The following CCDC60 variants were observed in gnomAD, a reference collection of about 807,000 sequenced individuals.
CCDC60 encodes the protein coiled-coil domain-containing protein 60.
A neutral mutation model predicts 63.5 loss-of-function variants in CCDC60; 54 were observed. The ratio of observed to expected loss-of-function variants is 0.85; its 90% CI spans 0.68 to 1.07. The LOEUF is 1.07. Ranked by LOEUF, CCDC60 falls within the 50% of genes least tolerant of loss-of-function variation. CCDC60 has a pLI of 0.00. For missense variants in CCDC60, 651 were observed against 684.3 expected (o/e 0.95, Z 0.54); for synonymous variants, 206 against 238.8 (o/e 0.86, Z 1.27).
chr12:119,498,648 C>T (rs773428181), intron 5 of CCDC60, among the ~76,000 whole-genome samples: 1 of 152,160 alleles, frequency 6.6e-6, no homozygotes, highest in Non-Finnish European at 1.5e-5. Flanking sequence ...ATTTCAAGTT[C>T]CTGCTCTCTG....
rs1416953138 is a variant in CCDC60 at position 119,524,716 on chromosome 12, C to CTTTTTTTTTTTTTTTTTTTT, written c.1229+902_1229+903insTTTTTTTTTTTTTTTTTTTT. ...AGGAAACAGCAGTTTCTTTTCTTTT[C>CTTTTTTTTTTTTTTTTTTTT]TTTTCTTTTTTTTTTTTTTTTTTTG... On this transcript the variant is annotated intron_variant, in intron 11 of 13. Coordinates refer to ENST00000327554, the MANE Select transcript of CCDC60 (RefSeq NM_178499.5). 3.4e-4 allele frequency among the ~76,000 whole-genome samples: 31 copies of CTTTTTTTTTTTTTTTTTTTT among 90,580 alleles called. 3 individuals are homozygous for CTTTTTTTTTTTTTTTTTTTT. The highest frequency in any genetic ancestry group is 1.6e-3 in the African/African-American group (30 of 18,848). 59.4% of individuals were successfully genotyped at this position (90,580 alleles called of 152,430 possible). A position where few individuals can be genotyped will look rare whatever the true frequency, so the allele number is the denominator to read the frequency against.
At chr12:119,354,073 TC>T (rs1955691371) in intron 1 of CCDC60, among the ~76,000 whole-genome samples, 1 of 90,244 alleles carries the variant, frequency 1.1e-5, no homozygotes, top group South Asian at 4.6e-4. Flanking sequence ...TTTCTCTCTC[TC>T]TCTCGTCTCT....
At chr12:119,350,007 G>T (rs750439099) in intron 1 of CCDC60, among the ~76,000 whole-genome samples, 10 of 151,954 alleles carry the variant, frequency 6.6e-5, no homozygotes, top group Admixed American at 1.3e-4. Context: ...AAAACCAAAA[G>T]CATTGACATA....
At chr12:119,373,662 TGGGG>T (rs779588913) in intron 1 of CCDC60, among the ~76,000 whole-genome samples, 10 of 74,094 alleles carry the variant, frequency 1.3e-4, no homozygotes, top group Non-Finnish European at 2.1e-4. Context: ...CTCTCCGGGG[TGGGG>T]TGGGGGGGGG....
chr12:119,413,625 C>G (rs1956645216), intron 1 of CCDC60, among the ~76,000 whole-genome samples: 1 of 152,148 alleles, frequency 6.6e-6, no homozygotes, highest in African/African-American at 2.4e-5. Context: ...CCTCATGGCC[C>G]CTGCATGAAG....
intron 1 of CCDC60, among the ~76,000 whole-genome samples, chr12:119,415,099 C>G (rs1956676231): frequency 6.6e-6 from 1 of 152,168 alleles, no homozygotes; most frequent in Non-Finnish European, 1.5e-5. Context: ...TTAGCCTCAC[C>G]TTTTTTTCCA....
chr12:119,411,894 GC>G (rs1480584645), intron 1 of CCDC60, among the ~76,000 whole-genome samples: 1 of 151,884 alleles, frequency 6.6e-6, no homozygotes, highest in Non-Finnish European at 1.5e-5. Flanking sequence ...AACCCTTCCA[GC>G]CCCCACACGG....
At chr12:119,437,569 TATGA>T (rs1254083827) in intron 2 of CCDC60, among the ~76,000 whole-genome samples, 1 of 152,218 alleles carries the variant, frequency 6.6e-6, no homozygotes, top group African/African-American at 2.4e-5. Flanking sequence ...CAAATCCCTT[TATGA>T]ATGAGGCTGC....
At chr12:119,433,441 ACAAG>A (rs780145679) in intron 2 of CCDC60, 1 of 702,386 alleles carries the variant, frequency 1.4e-6, no homozygotes, top group South Asian at 1.5e-5. Flanking sequence ...CAGAGAAGCC[ACAAG>A]CAAGCAAGAA....
intron 7 of CCDC60, among the ~76,000 whole-genome samples, chr12:119,509,960 T>C (rs558146874): frequency 4.6e-5 from 7 of 152,242 alleles, no homozygotes; most frequent in Admixed American, 1.3e-4. Context: ...AGAGAGCAAA[T>C]TGATTTTTTT....
chr12:119,471,938 C>T, intron 2 of CCDC60, 56 bp from the exon 3 acceptor site: 2 of 1,459,910 alleles, frequency 1.4e-6, no homozygotes, highest in Non-Finnish European at 1.9e-6. Flanking sequence ...TTCCTTCTCT[C>T]TCTCCACCCT....
chr12:119,530,888 T>A lies in CCDC60; in HGVS notation c.1376T>A (p.Leu459Ter). Reference protein sequence around the residue: ...EIADHWYFDLLSKLPEDLKNF... With the variant: ...EIADHWYFDL Reference sequence around the variant, plus strand: ...TGGAATTGAAGGTACTTTGATCTGTTGTCCAAACTGCCAGAGGATCTAAAG... The same window carrying A: ...TGGAATTGAAGGTACTTTGATCTGTAGTCCAAACTGCCAGAGGATCTAAAG... Residue 459 changes from leucine (L) to a stop codon, truncating the protein, a stop_gained, in exon 13 of 14, where the codon TTG becomes TAG. Transcript: ENST00000327554. LOFTEE classifies it high-confidence loss of function. The A allele has an allele frequency of 6.2e-7, 1 of 1,613,828 alleles. No homozygotes were observed. The highest frequency in any genetic ancestry group is 8.5e-7 in the Non-Finnish European group (1 of 1,179,852).
chr12:119,537,863 C>T (rs1002787656), intron 13 of CCDC60, among the ~76,000 whole-genome samples: 2 of 152,224 alleles, frequency 1.3e-5, no homozygotes, highest in African/African-American at 2.4e-5. Flanking sequence ...AGTGAAGCTA[C>T]ATGGGGGTCA....
At chr12:119,540,317 A>C (rs1953122861) in intron 13 of CCDC60, among the ~76,000 whole-genome samples, 1 of 152,224 alleles carries the variant, frequency 6.6e-6, no homozygotes, top group South Asian at 2.1e-4. Flanking sequence ...GATATTAAGG[A>C]GTAGAAAAGA....
At chr12:119,389,972 A>T (rs759618165) in intron 1 of CCDC60, among the ~76,000 whole-genome samples, 6 of 152,210 alleles carry the variant, frequency 3.9e-5, no homozygotes, top group Non-Finnish European at 8.8e-5. Flanking sequence ...GCCACATGAA[A>T]GAAGTAGACT....
intron 2 of CCDC60, among the ~76,000 whole-genome samples, chr12:119,453,414 C>T (rs1441086526): frequency 6.6e-6 from 1 of 152,184 alleles, no homozygotes; most frequent in African/African-American, 2.4e-5. Context: ...AAGGCTTCTG[C>T]ATGTCATTTC....
intron 1 of CCDC60, among the ~76,000 whole-genome samples, chr12:119,398,066 G>GGC (rs1441897146): frequency 1.8e-4 from 16 of 87,730 alleles, no homozygotes; most frequent in African/African-American, 7.1e-4. Flanking sequence ...AGGGGGTGGG[G>GGC]GGAGAGGAAG....
At chr12:119,383,182 G>A (rs1408756460) in intron 1 of CCDC60, among the ~76,000 whole-genome samples, 1 of 152,206 alleles carries the variant, frequency 6.6e-6, no homozygotes, top group African/African-American at 2.4e-5. Context: ...GCCAAGGCGG[G>A]AGAATTACTT....
chr12:119,491,718 T>A (rs1951591344), intron 5 of CCDC60, among the ~76,000 whole-genome samples: 1 of 151,990 alleles, frequency 6.6e-6, no homozygotes, highest in Admixed American at 6.6e-5. Flanking sequence ...ATATCTTTTT[T>A]TTTTTTTTCC....
Sources: gnomAD v4.1 joint callset for allele counts (sites outside exome capture counted in the v4.1 genomes callset) on GRCh38, gnomAD v4.1.1 for gene constraint, MANE v1.5 for transcripts, NCBI Gene and HGNC (gene_info 2026-07-23, HGNC 2026-07-21) for gene names.